SNX29: variants seen among roughly 807,000 people sequenced by gnomAD.
SNX29 encodes sorting nexin 29, also known as sorting nexin-29.
SNX29 carries 78 observed loss-of-function variants against 102.1 expected under a neutral mutation model. That is an observed-to-expected ratio of 0.76 (90% CI 0.64 to 0.92). The LOEUF is 0.92. SNX29 is among the 40% of genes least tolerant of loss of function. The probability of loss-of-function intolerance (pLI) is 0.00; values close to 1 mark genes in which losing one functional copy is unlikely to be tolerated. For missense variants in SNX29, 1,280 were observed against 1,061.7 expected (o/e 1.21, Z -2.86); for synonymous variants, 580 against 414.5 (o/e 1.40, Z -4.85).
chr16:12,546,818 A>C (rs747939942), intron 20 of SNX29: 1 of 152,232 alleles, frequency 6.6e-6, no homozygotes, highest in Admixed American at 6.5e-5. Context: ...TTGCTTTCAA[A>C]ATATATGAAA....
chr16:12,438,201 T>G (rs2085625475), intron 18 of SNX29, among the ~76,000 whole-genome samples: 1 of 152,028 alleles, frequency 6.6e-6, no homozygotes, highest in Non-Finnish European at 1.5e-5. Flanking sequence ...ATGCATCAGG[T>G]GACTTGAAGG....
At chr16:12,193,746 A>G (rs928627168) in intron 13 of SNX29, among the ~76,000 whole-genome samples, 2 of 152,184 alleles carry the variant, frequency 1.3e-5, no homozygotes, top group African/African-American at 2.4e-5. Context: ...CATGTGTGGA[A>G]AAGATTGTCC....
At chr16:12,463,445 C>T (rs1441329182) in intron 18 of SNX29, among the ~76,000 whole-genome samples, 2 of 152,212 alleles carry the variant, frequency 1.3e-5, no homozygotes, top group Non-Finnish European at 2.9e-5. Flanking sequence ...TCACATCTTA[C>T]ATGGATGGCG....
chr16:12,370,082 C>A (rs539440026), intron 16 of SNX29, among the ~76,000 whole-genome samples: 1 of 149,402 alleles, frequency 6.7e-6, no homozygotes, highest in Non-Finnish European at 1.5e-5. Flanking sequence ...AGTAACTGGG[C>A]GTGGTAGCAT....
intron 8 of SNX29, among the ~76,000 whole-genome samples, chr16:12,059,401 C>T (rs904599649): frequency 2.0e-5 from 3 of 152,216 alleles, no homozygotes; most frequent in African/African-American, 4.8e-5. Context: ...ATCTGGTTCT[C>T]CCCCAGGTTG....
At chr16:12,399,508 G>C (rs1219837062) in intron 17 of SNX29, among the ~76,000 whole-genome samples, 1 of 152,208 alleles carries the variant, frequency 6.6e-6, no homozygotes, top group African/African-American at 2.4e-5. Context: ...TTTAGAGCAG[G>C]CAGGGCTGGG....
At chr16:12,265,441 G>C (rs143709118) in intron 14 of SNX29, among the ~76,000 whole-genome samples, 7 of 152,218 alleles carry the variant, frequency 4.6e-5, no homozygotes, top group Non-Finnish European at 8.8e-5. Flanking sequence ...TCTTGGAAGC[G>C]AGACGCAGCT....
At chr16:12,221,299 C>T (rs373369440) in intron 14 of SNX29, among the ~76,000 whole-genome samples, 45 of 152,180 alleles carry the variant, frequency 3.0e-4, no homozygotes, top group African/African-American at 6.7e-4. Flanking sequence ...AAATCAGGCC[C>T]TCGTCTTGTT....
At chr16:12,273,368 T>C (rs2079149327) in intron 14 of SNX29, among the ~76,000 whole-genome samples, 1 of 151,972 alleles carries the variant, frequency 6.6e-6, no homozygotes, top group Non-Finnish European at 1.5e-5. Flanking sequence ...TGTTGTTTGT[T>C]TGTTTTTGAG....
intron 20 of SNX29, among the ~76,000 whole-genome samples, chr16:12,527,779 A>C (rs1024006890): frequency 4.0e-5 from 6 of 149,982 alleles, no homozygotes; most frequent in Non-Finnish European, 8.9e-5. Flanking sequence ...TATTTTATTT[A>C]GCCAGTATAG....
intron 20 of SNX29, among the ~76,000 whole-genome samples, chr16:12,538,094 T>TCA (rs1383107567): frequency 6.6e-6 from 1 of 150,554 alleles, no homozygotes; most frequent in East Asian, 2.0e-4. Context: ...CTAAGCAAAT[T>TCA]CACAGCTTTC....
chr16:12,225,590 T>C (rs1287181824), intron 14 of SNX29, among the ~76,000 whole-genome samples: 11 of 152,234 alleles, frequency 7.2e-5, no homozygotes, highest in Admixed American at 4.6e-4. Flanking sequence ...CCTCTCTCTT[T>C]TGTAAGTTGC....
At chr16:12,030,472 C>T (rs1446487761) in intron 4 of SNX29, among the ~76,000 whole-genome samples, 1 of 152,200 alleles carries the variant, frequency 6.6e-6, no homozygotes, top group Non-Finnish European at 1.5e-5. Flanking sequence ...CCAGCCTTCT[C>T]CTTCTCCCTC....
At chr16:12,375,492 G>A (rs2082838875) in intron 16 of SNX29, 1 of 152,182 alleles carries the variant, frequency 6.6e-6, no homozygotes, top group Admixed American at 6.5e-5. Context: ...CACAGCCTCA[G>A]CCGGTGACTG....
intron 18 of SNX29, among the ~76,000 whole-genome samples, chr16:12,437,056 T>C (rs1567561664): frequency 6.6e-6 from 1 of 152,222 alleles, no homozygotes; most frequent in Non-Finnish European, 1.5e-5. Context: ...AAACCTGAGA[T>C]TCTGAAAGAC....
intron 16 of SNX29, among the ~76,000 whole-genome samples, chr16:12,371,327 C>A (rs1382471183): frequency 6.6e-6 from 1 of 152,014 alleles, no homozygotes; most frequent in East Asian, 1.9e-4. Flanking sequence ...GAGACAGGGT[C>A]TTTCTCTGTC....
At chr16:12,566,458 G>A (rs1450863290) in intron 20 of SNX29, among the ~76,000 whole-genome samples, 1 of 152,168 alleles carries the variant, frequency 6.6e-6, no homozygotes, top group Non-Finnish European at 1.5e-5. Context: ...TGCAGGGCAG[G>A]GCTCATCCTG....
At chr16:12,556,733 G>A (rs1366514283) in intron 20 of SNX29, among the ~76,000 whole-genome samples, 1 of 152,188 alleles carries the variant, frequency 6.6e-6, no homozygotes, top group Non-Finnish European at 1.5e-5. Context: ...TGTTTGGAAT[G>A]TGAATAAAGA....
At chr16:12,536,038 G>A (rs2077068238) in intron 20 of SNX29, among the ~76,000 whole-genome samples, 1 of 152,094 alleles carries the variant, frequency 6.6e-6, no homozygotes, top group Non-Finnish European at 1.5e-5. Context: ...TAATTTGATT[G>A]CCCATGAGCT....
Sources: gnomAD v4.1 joint callset for allele counts (sites outside exome capture counted in the v4.1 genomes callset) on GRCh38, gnomAD v4.1.1 for gene constraint, MANE v1.5 for transcripts, NCBI Gene and HGNC (gene_info 2026-07-23, HGNC 2026-07-21) for gene names.